Variants in PID1 observed in about 807,000 individuals in gnomAD.
PID1 encodes PTB-containing, cubilin and LRP1-interacting protein.
PID1 carries 10 observed loss-of-function variants against 19.1 expected under a neutral mutation model. That is an observed-to-expected ratio of 0.52 (90% CI 0.32 to 0.89). PID1 has a LOEUF of 0.89. Ranked by LOEUF, PID1 falls within the 40% of genes least tolerant of loss-of-function variation. PID1 has a pLI of 0.03. For missense variants in PID1, 248 were observed against 285.3 expected, an observed-to-expected ratio of 0.87 and a Z score of 0.94; for synonymous variants, 130 against 116.0, an observed-to-expected ratio of 1.12 and a Z score of -0.78.
intron 1 of PID1, among the ~76,000 whole-genome samples, chr2:229,192,461 A>G (rs1691281317): frequency 6.6e-6 from 1 of 152,208 alleles, no homozygotes; most frequent in African/African-American, 2.4e-5. Context: ...ACTTTGTCCT[A>G]CTTCATAACT....
chr2:229,168,577 CTA>C (rs1396528666), intron 1 of PID1, among the ~76,000 whole-genome samples: 1 of 152,062 alleles, frequency 6.6e-6, no homozygotes, highest in East Asian at 1.9e-4. Flanking sequence ...CTGAAATTCC[CTA>C]TATGTTCATG....
chr2:229,185,448 A>G (rs965913900), intron 1 of PID1, among the ~76,000 whole-genome samples: 3 of 152,158 alleles, frequency 2.0e-5, no homozygotes, highest in Admixed American at 6.5e-5. Flanking sequence ...CATGCTGCTG[A>G]TAAAGACATA....
At chr2:229,092,901 GTTC>G (rs986801778) in intron 2 of PID1, among the ~76,000 whole-genome samples, 2 of 152,054 alleles carry the variant, frequency 1.3e-5, no homozygotes, top group Non-Finnish European at 2.9e-5. Flanking sequence ...CATGTTTAAA[GTTC>G]TTCATCTTTT....
intron 1 of PID1, among the ~76,000 whole-genome samples, chr2:229,194,595 C>T (rs574581407): frequency 3.9e-5 from 6 of 151,948 alleles, no homozygotes; most frequent in Admixed American, 2.0e-4. Context: ...ACAGAATGTC[C>T]TTTTAATCCT....
intron 2 of PID1, among the ~76,000 whole-genome samples, chr2:229,094,193 T>C (rs1694930121): frequency 6.6e-6 from 1 of 151,848 alleles, no homozygotes; most frequent in African/African-American, 2.4e-5. Context: ...CGCTTTAAAA[T>C]AGGACGCAAA....
At chr2:229,109,971 A>C (rs1423833371) in intron 2 of PID1, among the ~76,000 whole-genome samples, 1 of 152,134 alleles carries the variant, frequency 6.6e-6, no homozygotes, top group Non-Finnish European at 1.5e-5. Flanking sequence ...CCAATTAGTT[A>C]CTCAGTAATT....
At chr2:229,032,337 T>C (rs1205954191) in intron 2 of PID1, among the ~76,000 whole-genome samples, 1 of 152,234 alleles carries the variant, frequency 6.6e-6, no homozygotes, top group Non-Finnish European at 1.5e-5. Flanking sequence ...CAGAACTCAA[T>C]GTGCAAGGCT....
intron 1 of PID1, among the ~76,000 whole-genome samples, chr2:229,181,443 A>G (rs184401248): frequency 6.6e-6 from 1 of 152,342 alleles, no homozygotes; most frequent in Non-Finnish European, 1.5e-5. Flanking sequence ...GCAGGCTATG[A>G]GATGTCAACG....
intron 2 of PID1, among the ~76,000 whole-genome samples, chr2:229,056,730 T>C (rs895068893): frequency 6.6e-6 from 1 of 152,012 alleles, no homozygotes; most frequent in African/African-American, 2.4e-5. Context: ...CACACATTTC[T>C]TGCGAAAATC....
chr2:229,208,916 T>C (rs925516910), intron 1 of PID1, among the ~76,000 whole-genome samples: 2 of 152,062 alleles, frequency 1.3e-5, no homozygotes, highest in South Asian at 2.1e-4. Context: ...AGATGATAAA[T>C]GGCAAATGAT....
At chr2:229,100,517 T>A (rs541888422) in intron 2 of PID1, among the ~76,000 whole-genome samples, 212 of 152,206 alleles carry the variant, frequency 1.4e-3, no homozygotes, top group South Asian at 6.2e-4. Flanking sequence ...CATTAAAAAA[T>A]ATATATATGC....
At chr2:229,126,475 C>T (rs1695625701) in intron 2 of PID1, among the ~76,000 whole-genome samples, 1 of 151,918 alleles carries the variant, frequency 6.6e-6, no homozygotes, top group Admixed American at 6.5e-5. Context: ...CCCAGACTCA[C>T]ATGCAACACT....
chr2:229,035,820 A>G (rs539443762), intron 2 of PID1, among the ~76,000 whole-genome samples: 21 of 152,176 alleles, frequency 1.4e-4, no homozygotes, highest in Non-Finnish European at 2.9e-4. Flanking sequence ...GCAAAAAGCA[A>G]TAGGCACCCT....
chr2:229,039,466 T>A (rs1204686363), intron 2 of PID1, among the ~76,000 whole-genome samples: 1 of 152,220 alleles, frequency 6.6e-6, no homozygotes, highest in Admixed American at 6.5e-5. Flanking sequence ...TGTAGAAAAT[T>A]ATTTAAAATG....
intron 2 of PID1, among the ~76,000 whole-genome samples, chr2:229,039,324 T>C (rs34269014): frequency 0.16 from 23,786 of 152,090 alleles, 1,976 homozygotes; most frequent in African/African-American, 0.2. Context: ...GTGTGGAAAA[T>C]AGAAGGGCTA....
intron 1 of PID1, among the ~76,000 whole-genome samples, chr2:229,254,544 C>A (rs968601831): frequency 3.9e-5 from 6 of 152,160 alleles, no homozygotes; most frequent in Admixed American, 2.0e-4. Context: ...AGTAACTAAT[C>A]ATGTTTCTCT....
At chr2:229,110,461 G>C (rs1483388500) in intron 2 of PID1, among the ~76,000 whole-genome samples, 1 of 152,178 alleles carries the variant, frequency 6.6e-6, no homozygotes, top group African/African-American at 2.4e-5. Flanking sequence ...CTAGGAATGG[G>C]AGGTACAGCC....
At chr2:229,157,645 GT>G (rs1462745642) in intron 1 of PID1, among the ~76,000 whole-genome samples, 1 of 152,132 alleles carries the variant, frequency 6.6e-6, no homozygotes, top group Non-Finnish European at 1.5e-5. Flanking sequence ...AAGAGTCAAA[GT>G]GAGTACAAGG....
chr2:229,242,967 C>T (rs1689912574), intron 1 of PID1, among the ~76,000 whole-genome samples: 1 of 152,126 alleles, frequency 6.6e-6, no homozygotes, highest in African/African-American at 2.4e-5. Context: ...GTAATCTTCT[C>T]TACCTACCAA....
Sources: gnomAD v4.1 joint callset for allele counts (sites outside exome capture counted in the v4.1 genomes callset) on GRCh38, gnomAD v4.1.1 for gene constraint, MANE v1.5 for transcripts, NCBI Gene and HGNC (gene_info 2026-07-23, HGNC 2026-07-21) for gene names.